PRMT8: variants seen among roughly 807,000 people sequenced by gnomAD.
PRMT8 encodes the protein protein arginine methyltransferase 8.
A neutral mutation model predicts 47.1 loss-of-function variants in PRMT8; 7 were observed. The ratio of observed to expected loss-of-function variants is 0.15; its 90% CI spans 0.08 to 0.28. PRMT8 has a LOEUF of 0.28. PRMT8 is among the 10% of genes least tolerant of loss of function. PRMT8 has a pLI of 1.00. For missense variants in PRMT8, 237 were observed against 505.4 expected (o/e 0.47, Z 5.09); for synonymous variants, 188 against 186.5 (o/e 1.01, Z -0.07).
chr12:3,426,345 G>T (rs1413708782), intron 1 of PRMT8, among the ~76,000 whole-genome samples: 1 of 152,220 alleles, frequency 6.6e-6, no homozygotes, highest in Non-Finnish European at 1.5e-5. Flanking sequence ...TAAAATGAAT[G>T]TATGATTTTA....
intron 1 of PRMT8, among the ~76,000 whole-genome samples, chr12:3,438,532 G>T (rs1864768613): frequency 1.3e-5 from 2 of 152,230 alleles, no homozygotes; most frequent in South Asian, 2.1e-4. Context: ...GGGTCCAGAA[G>T]TGGGGCGGGT....
At chr12:3,543,058 G>A (rs1866260139) in intron 2 of PRMT8, among the ~76,000 whole-genome samples, 1 of 152,202 alleles carries the variant, frequency 6.6e-6, no homozygotes, top group African/African-American at 2.4e-5. Flanking sequence ...AACATAGTGC[G>A]GGCTGAGCAG....
intron 1 of PRMT8, among the ~76,000 whole-genome samples, chr12:3,459,390 G>C (rs1332735219): frequency 3.3e-5 from 5 of 152,024 alleles, no homozygotes; most frequent in African/African-American, 1.2e-4. Flanking sequence ...CGATTTCCTC[G>C]ATCGAGGGGA....
rs923085528 is a variant in PRMT8 at position 3,569,692 on chromosome 12, G to A, written c.712+128G>A. ...CTGTCCCTGAAGAGGAGCTTATCTG[G>A]GACCCTTTCTGGAGTCTGCTCTCTA... On this transcript the variant is annotated intron_variant, in intron 6 of 9. Coordinates refer to ENST00000382622, the MANE Select transcript of PRMT8 (RefSeq NM_019854.5). This position sits in a 1 kb window ranked among gnomAD's most constrained non-coding sequence, Gnocchi z 8.2. The A allele has an allele frequency of 5.2e-6, 4 of 776,202 alleles. No individual in the cohort carries two copies. Among genetic ancestry groups the A allele is most frequent in the Non-Finnish European group, 9.1e-6 (4 of 440,782 alleles). 48.1% of individuals were successfully genotyped at this position (776,202 alleles called of 1,614,324 possible). A position where few individuals can be genotyped will look rare whatever the true frequency, so the allele number is the denominator to read the frequency against.
chr12:3,553,072 G>A, intron 3 of PRMT8: 1 of 204,444 alleles, frequency 4.9e-6, no homozygotes. Flanking sequence ...GGAGAGCCTG[G>A]AAAGACGTCT....
At chr12:3,525,325 G>T (rs1865937065) in intron 1 of PRMT8, among the ~76,000 whole-genome samples, 4 of 152,188 alleles carry the variant, frequency 2.6e-5, no homozygotes, top group Admixed American at 2.6e-4. Flanking sequence ...AAAGATCAGG[G>T]TGACAGAGGC....
Position 3,514,237 on chromosome 12 carries a change from A to C in PRMT8, c.75+22537A>C. Among the ~76,000 whole-genome samples, 1 of 146,522 alleles carries C rather than the reference A, an allele frequency of 6.8e-6. No individual in the cohort carries two copies. Among genetic ancestry groups the C allele is most frequent in the Non-Finnish European group, 1.5e-5 (1 of 66,982 alleles). On this transcript the variant is annotated intron_variant, in intron 1 of 9. Coordinates refer to ENST00000382622, the MANE Select transcript of PRMT8 (RefSeq NM_019854.5). This position sits in a 1 kb window ranked among gnomAD's most constrained non-coding sequence, Gnocchi z 5.9. ...TTTTTTTTTTTTTTCTGTTACCCCT[A>C]AGGTGCTCTTTTGTTCACCACAGAA...
intron 1 of PRMT8, among the ~76,000 whole-genome samples, chr12:3,426,141 G>A (rs1864602561): frequency 6.6e-6 from 1 of 152,192 alleles, no homozygotes; most frequent in South Asian, 2.1e-4. Context: ...CCCATGCCTG[G>A]GTGACTGGAG....
chr12:3,546,075 G>A lies in PRMT8; in HGVS notation c.262-3861G>A, dbSNP rs1754998514. On this transcript the variant is annotated intron_variant, in intron 2 of 9. Transcript: ENST00000382622. ...AAAATCTCCAAATAATTGGAAAGTAGGCAGCACTCTGCTAAATAGCCCATG... is the reference window on the plus strand; with the variant it reads ...AAAATCTCCAAATAATTGGAAAGTAAGCAGCACTCTGCTAAATAGCCCATG... Among the ~76,000 whole-genome samples the A allele has an allele frequency of 2.0e-5, 3 of 152,300 alleles. No individual in the cohort carries two copies. In the South Asian group the frequency reaches 6.2e-4, roughly 32 times the overall value.
intron 2 of PRMT8, among the ~76,000 whole-genome samples, chr12:3,549,269 A>C (rs1230871188): frequency 6.6e-6 from 1 of 152,136 alleles, no homozygotes; most frequent in Non-Finnish European, 1.5e-5. Flanking sequence ...GTTGCATGCA[A>C]ATTATACCTT....
chr12:3,566,055 A>G lies in PRMT8; in HGVS notation c.482-2651A>G, dbSNP rs1866714960. On this transcript the variant is annotated intron_variant, in intron 4 of 9. Transcript: ENST00000382622. This position sits in a 1 kb window ranked among gnomAD's most constrained non-coding sequence, Gnocchi z 4.7. ...GACCCATAGCCACACAGACACAGGCAGACATTAGGGAAGAACCTTCAAGAA... is the reference window on the plus strand; with the variant it reads ...GACCCATAGCCACACAGACACAGGCGGACATTAGGGAAGAACCTTCAAGAA... Among the ~76,000 whole-genome samples, 1 of 152,210 alleles carries G rather than the reference A, an allele frequency of 6.6e-6. No individual in the cohort carries two copies. Among genetic ancestry groups the G allele is most frequent in the African/African-American group, 2.4e-5 (1 of 41,448 alleles).
chr12:3,512,053 C>G (rs1865722153), intron 1 of PRMT8, among the ~76,000 whole-genome samples: 1 of 152,168 alleles, frequency 6.6e-6, no homozygotes, highest in African/African-American at 2.4e-5. Flanking sequence ...GCCATCCCTG[C>G]AGTTACTTTC....
At chr12:3,392,806 G>T (rs1048616770) in intron 1 of PRMT8, among the ~76,000 whole-genome samples, 4 of 151,738 alleles carry the variant, frequency 2.6e-5, no homozygotes, top group African/African-American at 9.7e-5. Flanking sequence ...CACAATGGTT[G>T]AACTAGTTTA....
chr12:3,592,487 A>G (rs971907722), intron 9 of PRMT8, 135 bp downstream of exon 9: 1 of 937,426 alleles, frequency 1.1e-6, no homozygotes. Flanking sequence ...CGGTAGCCAC[A>G]TGTGGACATG....
chr12:3,491,832 C>CTCGTGTG (rs1865409435), intron 1 of PRMT8, 132 bp downstream of exon 1: 1 of 535,872 alleles, frequency 1.9e-6, no homozygotes. Flanking sequence ...CGGCCTCCTC[C>CTCGTGTG]TGTGTGTGTG....
intron 1 of PRMT8, among the ~76,000 whole-genome samples, chr12:3,483,271 A>C (rs1043677657): frequency 1.3e-5 from 2 of 152,184 alleles, no homozygotes; most frequent in Admixed American, 1.3e-4. Flanking sequence ...AGGCAGAAAG[A>C]AGCACAGCAC....
chr12:3,388,120 T>A (rs1324548911), intron 1 of PRMT8, among the ~76,000 whole-genome samples: 3 of 139,586 alleles, frequency 2.1e-5, no homozygotes, highest in African/African-American at 7.8e-5. Context: ...TAATTGAGGA[T>A]CACACATTGC....
intron 1 of PRMT8, among the ~76,000 whole-genome samples, chr12:3,403,187 A>G (rs1211896922): frequency 6.6e-6 from 1 of 152,198 alleles, no homozygotes; most frequent in Middle Eastern, 3.2e-3. Context: ...TGGAGGTGGA[A>G]GCCATTTTCC....
chr12:3,510,042 A>G (rs1449452331), intron 1 of PRMT8, among the ~76,000 whole-genome samples: 4 of 152,314 alleles, frequency 2.6e-5, no homozygotes, highest in African/African-American at 9.6e-5. Context: ...AGGCAGGAGT[A>G]TTTTAGGGTT....
Sources: gnomAD v4.1 joint callset for allele counts (sites outside exome capture counted in the v4.1 genomes callset) on GRCh38, gnomAD v4.1.1 for gene constraint, Gnocchi (gnomAD v3.1) non-coding constraint, MANE v1.5 for transcripts, NCBI Gene and HGNC (gene_info 2026-07-23, HGNC 2026-07-21) for gene names.